Variants in SAMD4A observed in about 807,000 individuals in gnomAD.
SAMD4A encodes the protein protein Smaug homolog 1.
In SAMD4A, 33 loss-of-function variants were observed where a neutral mutation model predicts 81.3. That is an observed-to-expected ratio of 0.41 (90% confidence interval 0.31 to 0.54). The LOEUF (loss-of-function observed/expected upper bound fraction) is 0.54, where lower values mean the gene tolerates loss of function less well. Among genes scored for constraint, SAMD4A ranks in the 20% least tolerant of loss-of-function variants. The pLI is 0.37. For missense variants in SAMD4A, 854 were observed against 951.1 expected (o/e 0.90, Z 1.34); for synonymous variants, 389 against 382.1 (o/e 1.02, Z -0.21).
Position 54,776,539 on chromosome 14 carries a change from A to G in SAMD4A, c.2043A>G (p.Pro681=), listed in dbSNP as rs772647542. ...AGAACATGCTGATGTTCCAGCAGCCAGGTAGGGCCCGGCGCTTCATGTCCC... is the reference window on the plus strand; with the variant it reads ...AGAACATGCTGATGTTCCAGCAGCCGGGTAGGGCCCGGCGCTTCATGTCCC... ...SPQNMLMFQQ[P]EFQLPVTEPD... is the part of the protein sequence containing the mutation. Residue 681 remains proline, a splice_region_variant and synonymous_variant, in exon 11 of 13, where the codon CCA becomes CCG. Transcript: ENST00000554335. 20 of 1,562,600 alleles carry G rather than the reference A, an allele frequency of 1.3e-5. No homozygotes were observed. The highest frequency in any genetic ancestry group is 1.6e-5 in the Non-Finnish European group (18 of 1,156,448).
chr14:54,714,196 A>G (rs1253058092), intron 3 of SAMD4A, among the ~76,000 whole-genome samples: 9 of 152,150 alleles, frequency 5.9e-5, no homozygotes, highest in Admixed American at 5.9e-4. Flanking sequence ...CATACCCTTA[A>G]TACGTTACTG....
chr14:54,570,219 A>G (rs1332349234), intron 2 of SAMD4A, among the ~76,000 whole-genome samples: 1 of 152,156 alleles, frequency 6.6e-6, no homozygotes, highest in Non-Finnish European at 1.5e-5. Flanking sequence ...AGGTCATGTG[A>G]TGATTTGGTT....
intron 4 of SAMD4A, among the ~76,000 whole-genome samples, chr14:54,740,456 C>G (rs1033060626): frequency 2.0e-5 from 3 of 152,236 alleles, no homozygotes; most frequent in Non-Finnish European, 2.9e-5. Flanking sequence ...GTGTCTTGCT[C>G]TCATCGTGCA....
intron 11 of SAMD4A, among the ~76,000 whole-genome samples, chr14:54,779,966 GGAGAGGGATCCTTTATTTT>G (rs2139963052): frequency 1.3e-5 from 2 of 152,248 alleles, no homozygotes; most frequent in East Asian, 3.9e-4. Flanking sequence ...GAAATTGCTT[GGAGAGGGATCCTTTATTTT>G]GGAAGCAACT....
intron 2 of SAMD4A, chr14:54,687,965 C>T (rs1451250769): frequency 6.1e-6 from 6 of 985,982 alleles, no homozygotes; most frequent in Non-Finnish European, 7.2e-6. Context: ...AATACCCAGC[C>T]AGACACTCAA....
intron 2 of SAMD4A, among the ~76,000 whole-genome samples, chr14:54,701,427 C>T (rs1271177936): frequency 6.6e-6 from 1 of 152,228 alleles, no homozygotes; most frequent in Non-Finnish European, 1.5e-5. Flanking sequence ...TTAGAGGTGT[C>T]TCAGGAGCCA....
At chr14:54,716,965 C>T (rs2037134841) in intron 3 of SAMD4A, among the ~76,000 whole-genome samples, 1 of 152,040 alleles carries the variant, frequency 6.6e-6, no homozygotes, top group Non-Finnish European at 1.5e-5. Flanking sequence ...AGAGAACTTG[C>T]TGAGGAGAGA....
At chr14:54,694,779 G>C in intron 2 of SAMD4A, 2 of 985,420 alleles carry the variant, frequency 2.0e-6, no homozygotes, top group Non-Finnish European at 2.4e-6. Flanking sequence ...CCTTGGCTGA[G>C]ATCTCAGGAC....
intron 2 of SAMD4A, among the ~76,000 whole-genome samples, chr14:54,576,039 G>T (rs201854860): frequency 1.4e-4 from 6 of 43,912 alleles, no homozygotes; most frequent in Admixed American, 3.2e-4. Flanking sequence ...TTTTTTTTTT[G>T]CTGATGCTAT....
At chr14:54,732,626 T>A (rs1453306573) in intron 3 of SAMD4A, among the ~76,000 whole-genome samples, 2 of 152,200 alleles carry the variant, frequency 1.3e-5, no homozygotes, top group African/African-American at 2.4e-5. Flanking sequence ...ACGCAATGTA[T>A]CTTTGACAAA....
At chr14:54,761,210 A>G (rs931048397) in intron 7 of SAMD4A, among the ~76,000 whole-genome samples, 2 of 152,162 alleles carry the variant, frequency 1.3e-5, no homozygotes, top group African/African-American at 4.8e-5. Flanking sequence ...AAGTTATCCC[A>G]TTTTACAGAG....
chr14:54,646,582 G>A (rs1329332855), intron 2 of SAMD4A, among the ~76,000 whole-genome samples: 2 of 152,206 alleles, frequency 1.3e-5, no homozygotes, highest in African/African-American at 4.8e-5. Context: ...CAGTTAGGCA[G>A]AATTAATGTA....
chr14:54,649,686 A>G (rs558900198), intron 2 of SAMD4A, among the ~76,000 whole-genome samples: 26 of 152,340 alleles, frequency 1.7e-4, no homozygotes, highest in African/African-American at 6.0e-4. Context: ...GTTGAATAAC[A>G]CAGTGGGAAG....
At chr14:54,747,960 T>G (rs1384063593) in intron 4 of SAMD4A, among the ~76,000 whole-genome samples, 1 of 152,262 alleles carries the variant, frequency 6.6e-6, no homozygotes, top group Admixed American at 6.5e-5. Context: ...CTGTGGATTT[T>G]CAATGCAGTT....
intron 4 of SAMD4A, among the ~76,000 whole-genome samples, chr14:54,738,321 C>T (rs1486861901): frequency 3.3e-5 from 5 of 152,194 alleles, no homozygotes; most frequent in Non-Finnish European, 5.9e-5. Flanking sequence ...GACTGCCCAA[C>T]CACTGGTTAT....
intron 2 of SAMD4A, among the ~76,000 whole-genome samples, chr14:54,665,478 G>A (rs1228515762): frequency 6.6e-6 from 1 of 152,186 alleles, no homozygotes; most frequent in African/African-American, 2.4e-5. Flanking sequence ...TTAATGGGGA[G>A]CAACTGATGG....
intron 3 of SAMD4A, among the ~76,000 whole-genome samples, chr14:54,710,832 T>G (rs2036971378): frequency 6.6e-6 from 1 of 152,202 alleles, no homozygotes; most frequent in Non-Finnish European, 1.5e-5. Context: ...GGGATAGGGG[T>G]TGTATCTTCT....
chr14:54,683,551 T>C (rs1030731234), intron 2 of SAMD4A, among the ~76,000 whole-genome samples: 6 of 152,206 alleles, frequency 3.9e-5, no homozygotes, highest in African/African-American at 1.4e-4. Context: ...ACTCATCCCC[T>C]TCCTGGCAGA....
rs749141007 is a variant in SAMD4A, at chr14:54,775,154, A to G, written c.1917+19A>G. 8 of 1,614,002 alleles carry G rather than the reference A, an allele frequency of 5.0e-6. No individual in the cohort carries two copies. The highest frequency in any genetic ancestry group is 2.2e-5 in the East Asian group (1 of 44,882). On this transcript the variant is annotated intron_variant, in intron 10 of 12. Transcript: ENST00000554335. Reference sequence around the variant, plus strand: ...AAGACAGGTTTGTTCTGCCCCAAGGAAGGAGGAGGATGGCCAAGCTCAAGG... The same window carrying G: ...AAGACAGGTTTGTTCTGCCCCAAGGGAGGAGGAGGATGGCCAAGCTCAAGG...
Sources: gnomAD v4.1 joint callset for allele counts (sites outside exome capture counted in the v4.1 genomes callset) on GRCh38, gnomAD v4.1.1 for gene constraint, MANE v1.5 for transcripts, NCBI Gene and HGNC (gene_info 2026-07-23, HGNC 2026-07-21) for gene names.